ZNF177: variants seen among roughly 807,000 people sequenced by gnomAD.
ZNF177 encodes the protein zinc finger protein 177.
A neutral mutation model predicts 19.4 loss-of-function variants in ZNF177; 17 were observed. The ratio of observed to expected loss-of-function variants is 0.87; its 90% confidence interval spans 0.60 to 1.31. The LOEUF is 1.31. Ranked by LOEUF, ZNF177 falls within the 40% of genes most tolerant of loss-of-function variation. The probability of loss-of-function intolerance (pLI) is 0.00; values close to 1 mark genes in which losing one functional copy is unlikely to be tolerated. For synonymous variants in ZNF177, 220 were observed against 188.7 expected (o/e 1.17, Z -1.36); for missense variants, 633 against 561.8 (o/e 1.13, Z -1.28).
At chr19:9,372,540 C>CTTTT (rs61321271), upstream of ZNF177, among the ~76,000 whole-genome samples, 83 of 84,574 alleles carry the variant, frequency 9.8e-4, no homozygotes, top group African/African-American at 1.2e-3. Flanking sequence ...CTTTCTTTTC[C>CTTTT]TTTTTTTTTT....
chr19:9,369,110 G>T (rs1230977279), intron 2 of ZNF177, among the ~76,000 whole-genome samples: 2 of 152,056 alleles, frequency 1.3e-5, no homozygotes, highest in Non-Finnish European at 2.9e-5. Flanking sequence ...CACTTCATGT[G>T]TGCTTCAAGA....
intron 1 of ZNF177, among the ~76,000 whole-genome samples, chr19:9,377,770 C>T (rs954460105): frequency 5.3e-5 from 8 of 152,084 alleles, no homozygotes; most frequent in African/African-American, 1.7e-4. Flanking sequence ...AATATGCTCA[C>T]CTTTATGGTC....
chr19:9,381,551 C>T (rs780469106), exon 6 of ZNF177: 23 of 1,613,924 alleles, frequency 1.4e-5, no homozygotes, highest in Non-Finnish European at 1.9e-5. Context: ...TCCTTCAGCA[C>T]AGGCTCTTAC....
At chr19:9,364,529 G>A (rs1426458269) in intron 1 of ZNF177, among the ~76,000 whole-genome samples, 1 of 152,176 alleles carries the variant, frequency 6.6e-6, no homozygotes, top group Non-Finnish European at 1.5e-5. Flanking sequence ...GGAACAGGGA[G>A]CTCTTCAGTC....
chr19:9,380,515 G>A, intron 5 of ZNF177, 153 bp from the exon 8 acceptor site: 1 of 1,472,538 alleles, frequency 6.8e-7, no homozygotes, highest in Non-Finnish European at 9.1e-7. Flanking sequence ...AAAGCTAATA[G>A]GGCAAAAGTC....
At chr19:9,368,496 C>T (rs185484200) in intron 2 of ZNF177, among the ~76,000 whole-genome samples, 1,823 of 152,172 alleles carry the variant, frequency 0.012, 17 homozygotes, top group Non-Finnish European at 0.019. Context: ...CGATTTTTTT[C>T]CTAGTAGTTT....
Position 9,377,969 on chromosome 19 carries a change from G to A in ZNF177, c.-53-290G>A, listed in dbSNP as rs143092333. 1.6e-4 allele frequency among the ~76,000 whole-genome samples: 25 copies of A among 152,258 alleles called. No homozygotes were observed. In the East Asian group the frequency reaches 4.2e-3, roughly 26 times the overall value. On this transcript the variant is annotated intron_variant, in intron 1 of 5. Transcript: ENST00000589262. ...TCCAGTGAGTCCTGGTTTCTGTCAC[G>A]GGTAAATGATATTCAGAGACAGTTT...
chr19:9,381,412 A>G, exon 6 of ZNF177: 4 of 1,614,064 alleles, frequency 2.5e-6, no homozygotes, highest in Non-Finnish European at 3.4e-6. Flanking sequence ...ACATGTGAGA[A>G]CCCACACTGG....
upstream of ZNF177, among the ~76,000 whole-genome samples, chr19:9,374,041 C>G (rs1267749110): frequency 6.6e-6 from 1 of 151,992 alleles, no homozygotes; most frequent in Admixed American, 6.6e-5. Flanking sequence ...GATCTCAGGT[C>G]TTACATTTAA....
exon 6 of ZNF177, chr19:9,382,113 G>T: frequency 2.5e-6 from 1 of 394,900 alleles, no homozygotes; most frequent in Non-Finnish European, 4.5e-6. Context: ...ATGTACTGTG[G>T]CAGACAGAAC....
At chr19:9,381,584 A>G (rs1343864001) in exon 6 of ZNF177, 1 of 1,614,202 alleles carries the variant, frequency 6.2e-7, no homozygotes, top group Non-Finnish European at 8.5e-7. Context: ...AAGAGAACTC[A>G]CACTGGTGAG....
At chr19:9,379,608 G>T (rs1424697984) in exon 4 of ZNF177, 4 of 1,613,784 alleles carry the variant, frequency 2.5e-6, no homozygotes, top group Non-Finnish European at 3.4e-6. Flanking sequence ...ATTTTACAAG[G>T]TGACTGTGCA....
rs150167611 is a variant in ZNF177, at chr19:9,381,625, G to A, written c.1294G>A (p.Ala432Thr). 4.4e-4 allele frequency: 710 copies of A among 1,614,018 alleles called. 2 individuals carry two copies. The highest frequency in any genetic ancestry group is 3.1e-4 in the Non-Finnish European group (363 of 1,179,996). Residue 432 changes from alanine (A) to threonine (T), a missense_variant, in exon 6 of 6, where the codon GCC (alanine) becomes ACC (threonine). Ala to Thr is a moderately conservative substitution (Grantham distance 58). Coordinates refer to ENST00000589262, the Ensembl canonical transcript of ZNF177. ...CTATGAGTGTAAAGAATGTGGGAAG[G>A]CCTTTAGGAATTCCTCTTGCCTGAG... is the stretch of plus-strand genomic sequence containing the variant.
chr19:9,381,963 CT>C, exon 6 of ZNF177: 1 of 857,296 alleles, frequency 1.2e-6, no homozygotes, highest in East Asian at 2.7e-5. Flanking sequence ...GTATTTCATT[CT>C]TATATGTGTC....
exon 6 of ZNF177, chr19:9,382,042 G>T: frequency 2.1e-6 from 1 of 473,606 alleles, no homozygotes; most frequent in Non-Finnish European, 3.6e-6. Flanking sequence ...CAGAACACAT[G>T]GTCTTCAATA....
At chr19:9,377,611 A>G (rs1384833578) in intron 1 of ZNF177, among the ~76,000 whole-genome samples, 5 of 152,196 alleles carry the variant, frequency 3.3e-5, no homozygotes, top group Admixed American at 2.0e-4. Flanking sequence ...AAAATCGGGC[A>G]GGCAAAAAGG....
chr19:9,373,988 A>G (rs2068080035), upstream of ZNF177, among the ~76,000 whole-genome samples: 1 of 152,120 alleles, frequency 6.6e-6, no homozygotes, highest in Non-Finnish European at 1.5e-5. Context: ...AAATTTGTCA[A>G]AATTAATATC....
intron 2 of ZNF177, among the ~76,000 whole-genome samples, chr19:9,370,188 G>C (rs561787937): frequency 6.6e-6 from 1 of 152,118 alleles, no homozygotes; most frequent in East Asian, 1.9e-4. Context: ...AAGTAGAATA[G>C]TACAGTTGTC....
chr19:9,370,938 T>A (rs11668783), intron 2 of ZNF177, among the ~76,000 whole-genome samples: 17,040 of 152,270 alleles, frequency 0.11, 1,275 homozygotes, highest in Middle Eastern at 0.18. Flanking sequence ...CATCTAGCGC[T>A]GAGCTGTCCA....
Sources: allele counts gnomAD v4.1 joint callset (sites outside exome capture counted in the v4.1 genomes callset), GRCh38; gene constraint gnomAD v4.1.1; transcripts MANE v1.5; gene names NCBI Gene and HGNC (gene_info 2026-07-23, HGNC 2026-07-21).